Variants in KCTD2 observed in about 807,000 individuals in gnomAD.
KCTD2 encodes the protein potassium channel tetramerization domain containing 2, also known as BTB/POZ domain-containing protein KCTD2.
KCTD2 carries 18 observed loss-of-function variants against 27.9 expected under a neutral mutation model. That is an observed-to-expected ratio of 0.64 (90% CI 0.45 to 0.96). The LOEUF is 0.96. Ranked by LOEUF, KCTD2 falls within the 40% of genes least tolerant of loss-of-function variation. The pLI is 0.00. For missense variants in KCTD2, 280 were observed against 348.0 expected (o/e 0.80, Z 1.56); for synonymous variants, 175 against 148.4 (o/e 1.18, Z -1.30).
chr17:75,043,465 T>C (rs2073180627), upstream of KCTD2, among the ~76,000 whole-genome samples: 1 of 151,974 alleles, frequency 6.6e-6, no homozygotes, highest in Non-Finnish European at 1.5e-5. Flanking sequence ...ATACAAAAAT[T>C]AGCCGGGCGT....
chr17:75,036,465 A>T (rs963007584), intron 3 of KCTD2, among the ~76,000 whole-genome samples: 1 of 152,228 alleles, frequency 6.6e-6, no homozygotes, highest in Admixed American at 6.5e-5. Context: ...CAACGCAAAA[A>T]TGCTGAACAA....
rs144981192 is a variant in KCTD2, at chr17:75,059,527, G to A, written c.558G>A (p.Val186=). ...NRTSQGPVKH[V]YRVLQCQEEE... Reference sequence around the variant, plus strand: ...CATTGCAGGGCCCCGTGAAGCACGTGTACAGAGTCCTGCAGTGTCAGGAAG... The same window carrying A: ...CATTGCAGGGCCCCGTGAAGCACGTATACAGAGTCCTGCAGTGTCAGGAAG... The change falls in exon 4 of 6, where the codon GTG becomes GTA. Residue 186 remains valine, a synonymous_variant. Transcript: ENST00000322444. 4.0e-5 allele frequency: 64 copies of A among 1,613,768 alleles called. No individual in the cohort carries two copies. The highest frequency in any genetic ancestry group is 5.1e-5 in the Non-Finnish European group (60 of 1,179,868).
chr17:75,060,259 C>T (rs1290470926), intron 4 of KCTD2, among the ~76,000 whole-genome samples: 1 of 151,762 alleles, frequency 6.6e-6, no homozygotes, highest in East Asian at 1.9e-4. Flanking sequence ...AAGTCAAATC[C>T]CTTTCTTCAT....
At chr17:75,058,921 C>A (rs1262138279) in intron 3 of KCTD2, among the ~76,000 whole-genome samples, 3 of 151,876 alleles carry the variant, frequency 2.0e-5, no homozygotes, top group Non-Finnish European at 4.4e-5. Flanking sequence ...CACAGTGAAA[C>A]CCCGTCTCTA....
chr17:75,049,015 A>G (rs531131533), intron 1 of KCTD2: 1 of 445,962 alleles, frequency 2.2e-6, no homozygotes, highest in East Asian at 3.3e-5. Context: ...AGATGATCTT[A>G]ATGTACAAGA....
chr17:75,035,675 AATT>A, intron 3 of KCTD2, among the ~76,000 whole-genome samples: 1 of 152,116 alleles, frequency 6.6e-6, no homozygotes, highest in Non-Finnish European at 1.5e-5. Flanking sequence ...AAAATACAAA[AATT>A]AGCCGGCCAA....
chr17:75,061,496 G>C (rs1472762914), intron 4 of KCTD2, among the ~76,000 whole-genome samples: 2 of 152,040 alleles, frequency 1.3e-5, no homozygotes, highest in Non-Finnish European at 2.9e-5. Flanking sequence ...AAAAATAAAA[G>C]AATTAGCCAG....
rs201437197 is a variant in KCTD2, at chr17:75,042,184, C to A, written c.-259+6827C>A. The A allele has an allele frequency of 8.0e-5, 129 of 1,613,650 alleles. No homozygotes were observed. Among genetic ancestry groups the A allele is most frequent in the South Asian group, 1.6e-4 (15 of 90,992 alleles). On this transcript the variant is annotated intron_variant, in intron 3 of 7. Transcript: ENST00000581589. ...CTTTAGAGGTGTGAAGTCTCACCTT[C>A]TTCTCAAAGTCATCCACCAAGCCAG...
chr17:75,057,417 C>T (rs57813751), intron 3 of KCTD2, among the ~76,000 whole-genome samples: 24,146 of 152,018 alleles, frequency 0.16, 3,030 homozygotes, highest in East Asian at 0.62. Flanking sequence ...TTGTGATACT[C>T]TGAATTTTGT....
At chr17:75,049,182 C>G in intron 1 of KCTD2, 38 bp from the exon 2 acceptor site, 1 of 1,293,708 alleles carries the variant, frequency 7.7e-7, no homozygotes, top group Middle Eastern at 1.9e-4. Flanking sequence ...AAATACTCCT[C>G]AAAGGTCCAC....
chr17:75,039,186 C>A, intron 3 of KCTD2: 1 of 1,613,980 alleles, frequency 6.2e-7, no homozygotes. Flanking sequence ...ATATTATAGG[C>A]AACGGCTACC....
intron 3 of KCTD2, chr17:75,036,178 CAA>C (rs2040112987): frequency 2.8e-6 from 1 of 353,992 alleles, no homozygotes; most frequent in Admixed American, 3.1e-5. Context: ...CTCATCCTCC[CAA>C]AGTGTTGAGA....
At chr17:75,042,333 A>G, upstream of KCTD2, 2 of 1,583,244 alleles carry the variant, frequency 1.3e-6, no homozygotes, top group Non-Finnish European at 1.7e-6. Flanking sequence ...GAAAATTCAC[A>G]TGGTAATTTT....
intron 4 of KCTD2, chr17:75,060,741 A>C (rs2073396753): frequency 2.9e-6 from 2 of 698,920 alleles, no homozygotes; most frequent in Non-Finnish European, 2.3e-6. Flanking sequence ...GCCTGAGTAA[A>C]TATGATTTTA....
intron 3 of KCTD2, among the ~76,000 whole-genome samples, chr17:75,037,567 T>C (rs2073116361): frequency 6.6e-6 from 1 of 152,156 alleles, no homozygotes; most frequent in African/African-American, 2.4e-5. Flanking sequence ...AAATCAGCAA[T>C]TGGGTTGTAG....
At position 75,040,181 on chromosome 17, in the gene KCTD2, C is replaced by T. The variant is rs369483244; in HGVS notation, c.-259+4824C>T. The T allele has an allele frequency of 6.0e-5, 96 of 1,611,234 alleles. 1 individual carries two copies. The African/African-American group carries it at 9.8e-4, about 16-fold the overall frequency. On this transcript the variant is annotated intron_variant, in intron 3 of 7. Coordinates refer to the KCTD2 transcript ENST00000581589. ...GCATTAAACTACAAACACAAGGGCA[C>T]GGGAACCTTCAGCGCATTAAACTAC...
rs552793842 is a variant in KCTD2, at chr17:75,053,477, G to A, written c.540+372G>A. 5.3e-4 allele frequency among the ~76,000 whole-genome samples: 80 copies of A among 151,920 alleles called. 1 individual carries two copies. In the South Asian group the frequency reaches 0.012, roughly 23 times the overall value. On this transcript the variant is annotated intron_variant, in intron 3 of 5. Transcript: ENST00000322444. ...TTTTTATGAGATGGAGTCTCGCCCT[G>A]TCGCCCAGGCCGGAGTGCAGTGGTG... is the stretch of plus-strand genomic sequence containing the variant.
In KCTD2 at chr17:75,063,136, G is replaced by C; in HGVS notation, c.*89G>C. ...AACCTCACTCCTGTCCAGTGACCGA[G>C]CCACTGCAAAGCACAGCTGATCCTG... is the stretch of plus-strand genomic sequence containing the variant. On this transcript the variant is annotated 3_prime_UTR_variant, in exon 6 of 6. Coordinates refer to ENST00000322444, the MANE Select transcript of KCTD2 (RefSeq NM_015353.3). The C allele has an allele frequency of 7.9e-7, 1 of 1,270,980 alleles. No individual in the cohort carries two copies. 78.7% of individuals were successfully genotyped at this position (1,270,980 alleles called of 1,614,324 possible).
At chr17:75,040,250 A>G in intron 3 of KCTD2, 1 of 1,510,154 alleles carries the variant, frequency 6.6e-7, no homozygotes, top group Middle Eastern at 2.4e-4. Flanking sequence ...CCAGGAGCTC[A>G]AAGGGCTGGA....
Sources: gnomAD v4.1 joint callset for allele counts (sites outside exome capture counted in the v4.1 genomes callset) on GRCh38, gnomAD v4.1.1 for gene constraint, MANE v1.5 for transcripts, NCBI Gene and HGNC (gene_info 2026-07-23, HGNC 2026-07-21) for gene names.